Variants in PGM5 observed in about 807,000 individuals in gnomAD.
The protein encoded by PGM5 is phosphoglucomutase 5.
In PGM5, 23 loss-of-function variants were observed where a neutral mutation model predicts 59.2. The observed-to-expected ratio is 0.39, with a 90% CI of 0.28 to 0.55. The LOEUF is 0.55. Ranked by LOEUF, PGM5 falls within the 20% of genes least tolerant of loss-of-function variation. PGM5 has a pLI of 0.66. For synonymous variants in PGM5, 214 were observed against 286.0 expected, an observed-to-expected ratio of 0.75 and a Z score of 2.54; for missense variants, 574 against 748.3, an observed-to-expected ratio of 0.77 and a Z score of 2.72.
intron 6 of PGM5, among the ~76,000 whole-genome samples, chr9:68,421,116 A>G (rs1369039863): frequency 1.3e-5 from 2 of 152,206 alleles, no homozygotes; most frequent in East Asian, 3.9e-4. Flanking sequence ...ATGTCAGGGT[A>G]CATAGTGTTA....
intron 6 of PGM5, among the ~76,000 whole-genome samples, chr9:68,452,859 C>A (rs1823719000): frequency 6.6e-6 from 1 of 152,202 alleles, no homozygotes; most frequent in African/African-American, 2.4e-5. Flanking sequence ...CTTCCAACAT[C>A]TCCTTTCTCA....
chr9:68,529,921 C>T lies in PGM5; in HGVS notation c.*265C>T, dbSNP rs1191514560. 9.7e-6 allele frequency: 3 copies of T among 308,372 alleles called. No homozygotes were observed. The East Asian group carries it at 2.4e-4, about 25-fold the overall frequency. 19.1% of individuals were successfully genotyped at this position (308,372 alleles called of 1,614,324 possible). On this transcript the variant is annotated 3_prime_UTR_variant, in exon 11 of 11. Transcript: ENST00000396396. Reference sequence around the variant, plus strand: ...ATCTACATTTTATCACACAAAGGAACCTCCCCTTTTGACAACAACTGGGCT... The same window carrying T: ...ATCTACATTTTATCACACAAAGGAATCTCCCCTTTTGACAACAACTGGGCT...
At chr9:68,411,488 G>GTATA (rs782604420) in intron 6 of PGM5, among the ~76,000 whole-genome samples, 2 of 140,722 alleles carry the variant, frequency 1.4e-5, no homozygotes, top group African/African-American at 2.6e-5. Context: ...GTGTGTGTGT[G>GTATA]TATATATATA....
At chr9:68,520,144 A>G (rs1027370407) in intron 10 of PGM5, among the ~76,000 whole-genome samples, 2 of 151,088 alleles carry the variant, frequency 1.3e-5, no homozygotes, top group African/African-American at 4.8e-5. Flanking sequence ...TCTTTTATAC[A>G]TAAAAATACA....
chr9:68,375,518 G>GC (rs1231352405), intron 1 of PGM5, among the ~76,000 whole-genome samples: 1 of 152,122 alleles, frequency 6.6e-6, no homozygotes, highest in African/African-American at 2.4e-5. Flanking sequence ...TTCTGCTCTT[G>GC]CCCCCCTTCA....
chr9:68,498,004 C>G (rs1554688312), intron 9 of PGM5: 1 of 152,232 alleles, frequency 6.6e-6, no homozygotes, highest in East Asian at 1.9e-4. Context: ...TGGCCCCACC[C>G]CACTCTGGTG....
At chr9:68,395,283 C>CAT (rs1317427411) in intron 6 of PGM5, among the ~76,000 whole-genome samples, 7 of 152,180 alleles carry the variant, frequency 4.6e-5, no homozygotes, top group Admixed American at 2.6e-4. Context: ...ATCTGTTGAC[C>CAT]ATATATATGT....
At chr9:68,452,436 G>A (rs961208581) in intron 6 of PGM5, among the ~76,000 whole-genome samples, 2 of 152,108 alleles carry the variant, frequency 1.3e-5, no homozygotes, top group Non-Finnish European at 2.9e-5. Flanking sequence ...ATCTCCCTGG[G>A]GAGTCTCTGC....
intron 6 of PGM5, among the ~76,000 whole-genome samples, chr9:68,403,446 C>T (rs1408205027): frequency 3.3e-5 from 5 of 152,170 alleles, no homozygotes; most frequent in Admixed American, 1.3e-4. Flanking sequence ...AATCATCCTC[C>T]TCCCCCAGTC....
chr9:68,519,452 T>C (rs1405072851), intron 10 of PGM5, among the ~76,000 whole-genome samples: 1 of 151,962 alleles, frequency 6.6e-6, no homozygotes, highest in Non-Finnish European at 1.5e-5. Flanking sequence ...TACTAGACTT[T>C]GATAGGTCAA....
chr9:68,381,719 A>G (rs1311727012), intron 2 of PGM5, among the ~76,000 whole-genome samples: 2 of 151,746 alleles, frequency 1.3e-5, no homozygotes, highest in Non-Finnish European at 3.0e-5. Context: ...AGGATACAAA[A>G]TCAACATACA....
intron 6 of PGM5, chr9:68,400,642 A>T (rs560620692): frequency 6.5e-6 from 1 of 152,776 alleles, no homozygotes; most frequent in African/African-American, 2.4e-5. Context: ...AATATACCTG[A>T]CTAATAAGAA....
intron 6 of PGM5, among the ~76,000 whole-genome samples, chr9:68,421,260 T>C (rs1352202936): frequency 6.6e-6 from 1 of 152,206 alleles, no homozygotes; most frequent in East Asian, 1.9e-4. Context: ...GCTTCTTCTC[T>C]CACCCCTGGT....
At chr9:68,405,986 T>C (rs1822800953) in intron 6 of PGM5, 2 of 152,368 alleles carry the variant, frequency 1.3e-5, no homozygotes, top group Non-Finnish European at 2.9e-5. Context: ...TTCATAAAGA[T>C]TGTCTCACAC....
intron 1 of PGM5, among the ~76,000 whole-genome samples, chr9:68,373,036 A>G (rs62551322): frequency 2.0e-5 from 3 of 151,248 alleles, no homozygotes. Flanking sequence ...CATCTAAACC[A>G]TATCAGCCAC....
intron 8 of PGM5, 101 bp downstream of exon 8, chr9:68,479,654 G>T: frequency 7.8e-7 from 1 of 1,277,714 alleles, no homozygotes; most frequent in Non-Finnish European, 1.1e-6. Context: ...GAGGCATCAG[G>T]CCGGGCGCGG....
chr9:68,357,010 A>G lies in PGM5; in HGVS notation c.-118A>G, dbSNP rs1834458447. 8.1e-6 allele frequency: 9 copies of G among 1,113,578 alleles called. No homozygotes were observed. The highest frequency in any genetic ancestry group is 3.2e-5 in the East Asian group (1 of 31,450). The allele number at this position is 1,113,578 out of a possible 1,614,324, so 69.0% of individuals were successfully genotyped here. ...AGGGCGCAGGGCGCCGACCTGCTGG[A>G]GAGGGGGCCCGGGCGCGAGGCGGAG... On this transcript the variant is annotated 5_prime_UTR_variant, in exon 1 of 11. Transcript: ENST00000396396.
chr9:68,503,612 C>T (rs1237911930), intron 10 of PGM5, among the ~76,000 whole-genome samples: 1 of 152,170 alleles, frequency 6.6e-6, no homozygotes, highest in African/African-American at 2.4e-5. Context: ...GACATGATTA[C>T]TCTAGCTACC....
intron 7 of PGM5, among the ~76,000 whole-genome samples, chr9:68,476,129 A>G (rs1289942083): frequency 6.6e-6 from 1 of 152,232 alleles, no homozygotes; most frequent in African/African-American, 2.4e-5. Context: ...CGAAAGCTGC[A>G]TGATATTTTT....
Sources: gnomAD v4.1 joint callset for allele counts (sites outside exome capture counted in the v4.1 genomes callset) on GRCh38, gnomAD v4.1.1 for gene constraint, MANE v1.5 for transcripts, NCBI Gene and HGNC (gene_info 2026-07-23, HGNC 2026-07-21) for gene names.